Variants in LMTK3 observed in about 807,000 individuals in gnomAD.
The protein encoded by LMTK3 is lemur tail kinase 3.
LMTK3 carries 27 observed loss-of-function variants against 116.7 expected under a neutral mutation model. The ratio of observed to expected loss-of-function variants is 0.23; its 90% CI spans 0.17 to 0.32. The LOEUF is 0.32. Ranked by LOEUF, LMTK3 falls within the 10% of genes least tolerant of loss-of-function variation. LMTK3 has a pLI of 1.00. For synonymous variants in LMTK3, 965 were observed against 971.0 expected (o/e 0.99, Z 0.11); for missense variants, 1,764 against 2,068.5 (o/e 0.85, Z 2.86).
At chr19:48,485,937 TCTCCCCTCTG>T in intron 14 of LMTK3, 148 bp from the exon 15 acceptor site, 1 of 761,880 alleles carries the variant, frequency 1.3e-6, no homozygotes, top group Admixed American at 3.0e-5. Flanking sequence ...CTACCCCTCT[TCTCCCCTCTG>T]CTCCAGCCAC....
upstream of LMTK3, chr19:48,513,480 A>C: frequency 4.3e-5 from 15 of 350,694 alleles, no homozygotes; most frequent in South Asian, 1.8e-4. The surrounding 1 kb of genome is among the most constrained non-coding windows in gnomAD (Gnocchi z 5.6). Flanking sequence ...CACATACATC[A>C]CGTGCCAGGC....
chr19:48,498,835 G>A lies in LMTK3; in HGVS notation c.2234C>T (p.Pro745Leu). 1.6e-6 allele frequency: 2 copies of A among 1,242,586 alleles called. No homozygotes were observed. Among genetic ancestry groups the A allele is most frequent in the Non-Finnish European group, 2.1e-6 (2 of 972,774 alleles). The allele number at this position is 1,242,586 out of a possible 1,614,324, so 77.0% of individuals were successfully genotyped here. The change falls in exon 11 of 15, where the codon CCC becomes CTC. Residue 745 changes from proline to leucine, a missense_variant. Physicochemically the swap from Pro to Leu is moderately conservative, Grantham distance 98. Coordinates refer to ENST00000600059, the MANE Select transcript of LMTK3 (RefSeq NM_001388485.1). ...GGGAGCGGGAGGTGGCCCCCGCCCG[G>A]GGTACTGGGGCGCCGCCGCCCCCAT... is the stretch of plus-strand genomic sequence containing the variant. ...PLMGAAAPQY[P>L]GRGPPPAPPP...
In LMTK3 at chr19:48,502,420, C is replaced by T. The variant is rs745571335; in HGVS notation, c.794+13G>A. On this transcript the variant is annotated intron_variant, in intron 7 of 14. Coordinates refer to ENST00000600059, the MANE Select transcript of LMTK3 (RefSeq NM_001388485.1). ...CCTTAGTAGCTCCTCCCGCGGCTCC[C>T]CGGCCCGCCCACCTGTGCACGTAGT... 1.2e-6 allele frequency: 2 copies of T among 1,608,486 alleles called. No individual in the cohort carries two copies. The highest frequency in any genetic ancestry group is 1.1e-5 in the South Asian group (1 of 90,734).
chr19:48,511,470 A>T, intron 1 of LMTK3, 31 bp downstream of exon 1: 1 of 1,145,728 alleles, frequency 8.7e-7, no homozygotes, highest in Non-Finnish European at 1.2e-6. Flanking sequence ...GGTGGGGGCC[A>T]CCGGACAGAC....
In LMTK3 at chr19:48,500,829, C is replaced by T. The variant is rs1039934002; in HGVS notation, c.1151+167G>A. ...CTCTGCCATCCCCTGCCTGTGTCCC[C>T]CTGCAAGTAGCAGATGCTGGCAGAA... On this transcript the variant is annotated intron_variant, in intron 10 of 14. Coordinates refer to ENST00000600059, the MANE Select transcript of LMTK3 (RefSeq NM_001388485.1). The surrounding 1 kb of genome is among the most constrained non-coding windows in gnomAD (Gnocchi z 4.0). 5.3e-5 allele frequency among the ~76,000 whole-genome samples: 8 copies of T among 152,164 alleles called. No homozygotes were observed. The East Asian group carries it at 1.3e-3, about 26-fold the overall frequency.
Position 48,498,423 on chromosome 19 carries a change from GGCT to G in LMTK3, c.2643_2645del (p.Ala882del), listed in dbSNP as rs752185124. 12 of 1,607,566 alleles carry G rather than the reference GGCT, an allele frequency of 7.5e-6. No individual in the cohort carries two copies. In the African/African-American group the frequency reaches 1.2e-4, roughly 16 times the overall value. On this transcript the variant is annotated inframe_deletion, in exon 11 of 15. Transcript: ENST00000600059. ...CCGCCTTCCTGGGTCCTGTCTCCCG[GGCT>G]GTCGCCCCCTTCTCCCCCAGGAGGT...
At chr19:48,510,617 G>A (rs1407365576) in intron 1 of LMTK3, 25 bp from the exon 2 acceptor site, 1 of 1,520,416 alleles carries the variant, frequency 6.6e-7, no homozygotes, top group Admixed American at 2.5e-5. Context: ...CTGGGCTGGG[G>A]TCCCAGCTTC....
chr19:48,496,313 TTC>T (rs1459830718), intron 11 of LMTK3, among the ~76,000 whole-genome samples: 9 of 149,908 alleles, frequency 6.0e-5, no homozygotes, highest in Non-Finnish European at 7.4e-5. Flanking sequence ...TTTTTTTTTT[TTC>T]TGAGACAGAG....
chr19:48,498,373 TTC>T lies in LMTK3; in HGVS notation c.2694_2695del (p.Lys899SerfsTer640). The T allele has an allele frequency of 6.2e-7, 1 of 1,612,596 alleles. No homozygotes were observed. The highest frequency in any genetic ancestry group is 8.5e-7 in the Non-Finnish European group (1 of 1,179,610). On this transcript the variant is annotated frameshift_variant, in exon 11 of 15. Transcript: ENST00000600059. LOFTEE classifies it high-confidence loss of function. Reference sequence around the variant, plus strand: ...CGGGTCCCTGTTCAGGCCCGGGACTTTCTCTCTGTTCCCGGGGCCTCTCCCCG... The same window carrying T: ...CGGGTCCCTGTTCAGGCCCGGGACTTTCTCTGTTCCCGGGGCCTCTCCCCG...
chr19:48,488,537 A>AC (rs1341087351), intron 14 of LMTK3, among the ~76,000 whole-genome samples: 1 of 151,536 alleles, frequency 6.6e-6, no homozygotes, highest in Non-Finnish European at 1.5e-5. Flanking sequence ...TCCTCAGTGC[A>AC]CCCCCTGCCA....
chr19:48,494,493 C>A lies in LMTK3; in HGVS notation c.3677-384G>T, dbSNP rs1048286390. On this transcript the variant is annotated intron_variant, in intron 11 of 14. Transcript: ENST00000600059. This position sits in a 1 kb window ranked among gnomAD's most constrained non-coding sequence, Gnocchi z 4.0. Reference sequence around the variant, plus strand: ...CAGGCGCACGTGCCACCATGCCCGGCTAATTTTTTGTATTTTTAGTAGAGA... The same window carrying A: ...CAGGCGCACGTGCCACCATGCCCGGATAATTTTTTGTATTTTTAGTAGAGA... 1.3e-5 allele frequency among the ~76,000 whole-genome samples: 2 copies of A among 152,192 alleles called. No individual in the cohort carries two copies. The highest frequency in any genetic ancestry group is 1.5e-5 in the Non-Finnish European group (1 of 68,044).
chr19:48,502,904 C>T lies in LMTK3; in HGVS notation c.645+5G>A. 2 of 1,608,872 alleles carry T rather than the reference C, an allele frequency of 1.2e-6. No homozygotes were observed. The highest frequency in any genetic ancestry group is 8.5e-7 in the Non-Finnish European group (1 of 1,176,464). On this transcript the variant is annotated splice_donor_5th_base_variant and intron_variant, in intron 6 of 14. Coordinates refer to ENST00000600059, the MANE Select transcript of LMTK3 (RefSeq NM_001388485.1). ...TGCCCTTCCCCAACCCCCCAAGACC[C>T]TCACCAGTTGACAGAACTCCATAAT...
intron 11 of LMTK3, among the ~76,000 whole-genome samples, chr19:48,495,985 A>C (rs542805071): frequency 6.6e-6 from 1 of 152,366 alleles, no homozygotes; most frequent in Admixed American, 6.5e-5. Context: ...TGTCAGGGCA[A>C]GATCTGAAGC....
intron 7 of LMTK3, among the ~76,000 whole-genome samples, 178 bp downstream of exon 7, chr19:48,502,255 A>T (rs1195869098): frequency 2.7e-5 from 3 of 112,350 alleles, no homozygotes. Flanking sequence ...GGTTCCTCTC[A>T]TTCCCCTCCT....
intron 5 of LMTK3, among the ~76,000 whole-genome samples, chr19:48,503,454 T>C (rs1278094981): frequency 4.6e-5 from 7 of 152,000 alleles, no homozygotes; most frequent in Non-Finnish European, 1.5e-5. Flanking sequence ...ACTGGCCTGC[T>C]CCTGGGGGAG....
At chr19:48,504,477 G>A (rs1281937346) in intron 5 of LMTK3, among the ~76,000 whole-genome samples, 1 of 152,234 alleles carries the variant, frequency 6.6e-6, no homozygotes, top group East Asian at 1.9e-4. Context: ...AGATCTGAGA[G>A]AAGCTGGTAT....
At position 48,491,774 on chromosome 19, in the gene LMTK3, G is replaced by A. The variant is rs1049851321; in HGVS notation, c.4093-235C>T. ...GCTCCTTTCCTGACAGCGGAGCCCC[G>A]CGCACAGCTAAGTAGCCCAACGCAG... On this transcript the variant is annotated intron_variant, in intron 12 of 14. Coordinates refer to ENST00000600059, the MANE Select transcript of LMTK3 (RefSeq NM_001388485.1). This position sits in a 1 kb window ranked among gnomAD's most constrained non-coding sequence, Gnocchi z 5.1. Among the ~76,000 whole-genome samples, 2 of 152,226 alleles carry A rather than the reference G, an allele frequency of 1.3e-5. No homozygotes were observed. The highest frequency in any genetic ancestry group is 2.4e-5 in the African/African-American group (1 of 41,518).
intron 6 of LMTK3, 73 bp from the exon 7 acceptor site, chr19:48,502,654 T>C: frequency 2.0e-6 from 3 of 1,468,552 alleles, no homozygotes; most frequent in Non-Finnish European, 2.7e-6. Flanking sequence ...GAGGCTGGAA[T>C]GGCTTCTGCT....
rs1055744801 is a variant in LMTK3 at position 48,510,456 on chromosome 19, C to T, written c.210+3G>A. 18 of 1,593,834 alleles carry T rather than the reference C, an allele frequency of 1.1e-5. No homozygotes were observed. The African/African-American group carries it at 2.1e-4, about 19-fold the overall frequency. Reference sequence around the variant, plus strand: ...CCAAGTTGAATCCCCTCATGCACCTCACCTTGAAGCCGACATCGCCCCGTT... The same window carrying T: ...CCAAGTTGAATCCCCTCATGCACCTTACCTTGAAGCCGACATCGCCCCGTT... On this transcript the variant is annotated splice_donor_region_variant and intron_variant, in intron 2 of 14. Coordinates refer to ENST00000600059, the MANE Select transcript of LMTK3 (RefSeq NM_001388485.1).
Sources: allele counts gnomAD v4.1 joint callset (sites outside exome capture counted in the v4.1 genomes callset), GRCh38; gene constraint gnomAD v4.1.1; non-coding constraint Gnocchi (gnomAD v3.1); transcripts MANE v1.5; gene names NCBI Gene and HGNC (gene_info 2026-07-23, HGNC 2026-07-21).